Variants in XKR6 observed in about 807,000 individuals in gnomAD.
XKR6 encodes the protein XK-related protein 6.
A neutral mutation model predicts 56.7 loss-of-function variants in XKR6; 22 were observed. The ratio of observed to expected loss-of-function variants is 0.39; its 90% CI spans 0.28 to 0.55. The LOEUF (loss-of-function observed/expected upper bound fraction) is 0.55, where lower values mean the gene tolerates loss of function less well. Ranked by LOEUF, XKR6 falls within the 20% of genes least tolerant of loss-of-function variation. The pLI, the probability that XKR6 is intolerant of heterozygous loss-of-function variation, is 0.66. For synonymous variants in XKR6, 524 were observed against 387.8 expected (o/e 1.35, Z -4.13); for missense variants, 852 against 889.0 (o/e 0.96, Z 0.53).
rs913784526 is a variant in XKR6 at position 10,912,868 on chromosome 8, T to C, written c.961+11766A>G. Among the ~76,000 whole-genome samples the C allele has an allele frequency of 1.3e-4, 18 of 140,824 alleles. No homozygotes were observed. In the East Asian group the frequency reaches 3.8e-3, roughly 30 times the overall value. The allele number at this position is 140,824 out of a possible 152,430, so 92.4% of individuals were successfully genotyped here. On this transcript the variant is annotated intron_variant, in intron 2 of 2. Transcript: ENST00000416569. ...GAAAGAGATAGGGTGTGTGTATAGA[T>C]AGAGAGAAAGAGGGTGTGTGTGTTT...
At chr8:10,964,687 C>T (rs1317746472) in intron 1 of XKR6, among the ~76,000 whole-genome samples, 2 of 152,190 alleles carry the variant, frequency 1.3e-5, no homozygotes, top group South Asian at 2.1e-4. Context: ...ACCTCACCCG[C>T]GGGATCTTGC....
At chr8:11,122,578 G>A (rs979254064) in intron 1 of XKR6, among the ~76,000 whole-genome samples, 2 of 152,164 alleles carry the variant, frequency 1.3e-5, no homozygotes, top group Non-Finnish European at 2.9e-5. Context: ...TTTTCCATTG[G>A]CACTCTTATT....
intron 1 of XKR6, among the ~76,000 whole-genome samples, chr8:10,990,674 G>C (rs1797969924): frequency 6.6e-6 from 1 of 152,080 alleles, no homozygotes; most frequent in Admixed American, 6.6e-5. Flanking sequence ...CAACTTCTCA[G>C]CTTCAAGCGA....
intron 1 of XKR6, among the ~76,000 whole-genome samples, chr8:11,025,028 G>A (rs1798829819): frequency 6.6e-6 from 1 of 152,206 alleles, no homozygotes; most frequent in South Asian, 2.1e-4. Context: ...CAGTCTGATT[G>A]ATCCAGGAAG....
At position 11,092,774 on chromosome 8, in the gene XKR6, A is replaced by G. The variant is rs146263743; in HGVS notation, c.764+107802T>C. Among the ~76,000 whole-genome samples the G allele has an allele frequency of 1.1e-3, 162 of 152,264 alleles. 1 individual carries two copies. The highest frequency in any genetic ancestry group is 3.7e-3 in the African/African-American group (155 of 41,548). On this transcript the variant is annotated intron_variant, in intron 1 of 2. Transcript: ENST00000416569. Reference sequence around the variant, plus strand: ...TCAGAATCCCTTTCAACCTCTTTCAATTTTTCTGGTCTGCAATAATCAATA... The same window carrying G: ...TCAGAATCCCTTTCAACCTCTTTCAGTTTTTCTGGTCTGCAATAATCAATA...
chr8:11,018,850 C>A (rs1240624180), intron 1 of XKR6, among the ~76,000 whole-genome samples: 1 of 152,160 alleles, frequency 6.6e-6, no homozygotes, highest in African/African-American at 2.4e-5. Flanking sequence ...GCCTTGCTGC[C>A]CCTAAGAACT....
chr8:11,079,166 T>C (rs1277238849), intron 1 of XKR6, among the ~76,000 whole-genome samples: 1 of 152,194 alleles, frequency 6.6e-6, no homozygotes, highest in African/African-American at 2.4e-5. Flanking sequence ...CATGAAAAAG[T>C]GGCCTCTGGG....
At chr8:11,129,745 G>A (rs923627835) in intron 1 of XKR6, among the ~76,000 whole-genome samples, 2 of 152,206 alleles carry the variant, frequency 1.3e-5, no homozygotes, top group East Asian at 1.9e-4. Context: ...TTAAATCGAT[G>A]TGGGAAGGAG....
intron 1 of XKR6, among the ~76,000 whole-genome samples, chr8:10,969,725 C>A (rs1204274240): frequency 6.6e-6 from 1 of 152,178 alleles, no homozygotes; most frequent in Non-Finnish European, 1.5e-5. Flanking sequence ...AACAGGAGCC[C>A]CCCACCCACT....
chr8:11,020,676 T>G (rs1798730369), intron 1 of XKR6, among the ~76,000 whole-genome samples: 1 of 152,218 alleles, frequency 6.6e-6, no homozygotes, highest in African/African-American at 2.4e-5. Context: ...AGGCCTTGAT[T>G]GGCATTCATG....
intron 1 of XKR6, among the ~76,000 whole-genome samples, chr8:11,037,420 G>A (rs1799173481): frequency 6.6e-6 from 1 of 152,124 alleles, no homozygotes; most frequent in African/African-American, 2.4e-5. Flanking sequence ...AGACTGGGCT[G>A]TGCCATGTTG....
intron 1 of XKR6, among the ~76,000 whole-genome samples, chr8:10,969,409 A>C (rs1183808242): frequency 6.6e-6 from 1 of 152,202 alleles, no homozygotes; most frequent in Non-Finnish European, 1.5e-5. Flanking sequence ...CGGGAAAAGG[A>C]CTGTCCAGGA....
intron 1 of XKR6, among the ~76,000 whole-genome samples, chr8:11,127,298 T>C (rs547348617): frequency 1.3e-5 from 2 of 152,362 alleles, no homozygotes; most frequent in South Asian, 4.1e-4. Flanking sequence ...TTTCTAATTA[T>C]GTGATCTTCA....
chr8:11,082,476 CCA>C (rs1797758053), intron 1 of XKR6, among the ~76,000 whole-genome samples: 2 of 152,244 alleles, frequency 1.3e-5, no homozygotes, highest in African/African-American at 2.4e-5. Context: ...CCTGCATAAG[CCA>C]CAGAGTGGCC....
Position 11,201,343 on chromosome 8 carries a change from G to A in XKR6, c.-4C>T. 7.7e-7 allele frequency: 1 copy of A among 1,293,958 alleles called. No individual in the cohort carries two copies. The highest frequency in any genetic ancestry group is 1.6e-5 in the African/African-American group (1 of 61,340). 80.2% of individuals were successfully genotyped at this position (1,293,958 alleles called of 1,614,324 possible). A position where few individuals can be genotyped will look rare whatever the true frequency, so the allele number is the denominator to read the frequency against. Reference sequence around the variant, plus strand: ...CGCCATCGGATTTCGCCGCCATCTTGACTCTCTTCCCAGCTCCGGAGGTTG... The same window carrying A: ...CGCCATCGGATTTCGCCGCCATCTTAACTCTCTTCCCAGCTCCGGAGGTTG... On this transcript the variant is annotated 5_prime_UTR_variant, in exon 1 of 3. Transcript: ENST00000416569.
At chr8:10,985,603 A>C (rs549610057) in intron 1 of XKR6, among the ~76,000 whole-genome samples, 4 of 151,862 alleles carry the variant, frequency 2.6e-5, no homozygotes, top group Admixed American at 1.3e-4. Flanking sequence ...TGGTTAAAAA[A>C]AAAAAAAAAG....
At chr8:11,144,692 C>T (rs73665010) in intron 1 of XKR6, among the ~76,000 whole-genome samples, 7,609 of 152,098 alleles carry the variant, frequency 0.05, 669 homozygotes, top group African/African-American at 0.17. Context: ...GGCAAAGTAG[C>T]AAGCCGCCAA....
chr8:11,138,784 G>C (rs1300263277), intron 1 of XKR6, among the ~76,000 whole-genome samples: 1 of 152,110 alleles, frequency 6.6e-6, no homozygotes, highest in African/African-American at 2.4e-5. Flanking sequence ...CCAGTCCTCT[G>C]AATTTTCACA....
intron 1 of XKR6, among the ~76,000 whole-genome samples, chr8:11,142,681 C>T (rs1319880218): frequency 6.6e-6 from 1 of 152,144 alleles, no homozygotes; most frequent in African/African-American, 2.4e-5. Flanking sequence ...TTCCTGAGGC[C>T]CTCACCAGAA....
Sources: allele counts gnomAD v4.1 joint callset (sites outside exome capture counted in the v4.1 genomes callset), GRCh38; gene constraint gnomAD v4.1.1; transcripts MANE v1.5; gene names NCBI Gene and HGNC (gene_info 2026-07-23, HGNC 2026-07-21).